The following CDH8 variants were observed in gnomAD, a reference collection of about 807,000 sequenced individuals.
The protein encoded by CDH8 is cadherin 8.
Under a neutral mutation model 68.1 loss-of-function variants are expected in CDH8, and 17 were observed. The observed-to-expected ratio is 0.25, with a 90% CI of 0.17 to 0.37. The LOEUF (loss-of-function observed/expected upper bound fraction) is 0.37, where lower values mean the gene tolerates loss of function less well. Among genes scored for constraint, CDH8 ranks in the 10% least tolerant of loss-of-function variants. The probability of loss-of-function intolerance (pLI) is 1.00; values close to 1 mark genes in which losing one functional copy is unlikely to be tolerated. For synonymous variants in CDH8, 372 were observed against 365.1 expected, an observed-to-expected ratio of 1.02 and a Z score of -0.21; for missense variants, 763 against 999.3, an observed-to-expected ratio of 0.76 and a Z score of 3.19.
At chr16:61,801,661 A>G (rs1256892773) in intron 7 of CDH8, among the ~76,000 whole-genome samples, 1 of 152,218 alleles carries the variant, frequency 6.6e-6, no homozygotes, top group East Asian at 1.9e-4. Context: ...TGGGAAGCGC[A>G]AGGGGTCAGG....
chr16:61,976,969 T>C (rs1965446091), intron 2 of CDH8, among the ~76,000 whole-genome samples: 1 of 152,122 alleles, frequency 6.6e-6, no homozygotes, highest in Admixed American at 6.6e-5. Flanking sequence ...TAAATATCAG[T>C]TTCCAGAATA....
Position 61,653,155 on chromosome 16 carries a change from C to G in CDH8, c.*453G>C. On this transcript the variant is annotated 3_prime_UTR_variant, in exon 12 of 12. Transcript: ENST00000577390. ...CCAAGTATTGCTTTATCATTTGTGG[C>G]GGGATCCTTATTGGTGAAGGGGAAA... The G allele has an allele frequency of 8.1e-7, 1 of 1,230,876 alleles. No individual in the cohort carries two copies. The highest frequency in any genetic ancestry group is 1.0e-6 in the Non-Finnish European group (1 of 987,954). 76.2% of individuals were successfully genotyped at this position (1,230,876 alleles called of 1,614,324 possible).
intron 2 of CDH8, among the ~76,000 whole-genome samples, chr16:61,981,071 T>C (rs73566699): frequency 0.018 from 2,716 of 152,264 alleles, 76 homozygotes; most frequent in African/African-American, 0.06. Flanking sequence ...GAAGATTGCC[T>C]GGCACTCAGA....
intron 2 of CDH8, among the ~76,000 whole-genome samples, chr16:61,905,259 T>C (rs1326138251): frequency 1.3e-5 from 2 of 152,132 alleles, no homozygotes; most frequent in African/African-American, 2.4e-5. Flanking sequence ...ATCTCATCCA[T>C]TCATTCGATA....
chr16:62,007,305 A>T (rs76646340), intron 2 of CDH8, among the ~76,000 whole-genome samples: 1 of 152,188 alleles, frequency 6.6e-6, no homozygotes, highest in African/African-American at 2.4e-5. Context: ...AGCTGATGTC[A>T]TAGTCTGTAA....
chr16:61,905,960 A>G (rs1964053829), intron 2 of CDH8, among the ~76,000 whole-genome samples: 1 of 152,136 alleles, frequency 6.6e-6, no homozygotes, highest in African/African-American at 2.4e-5. Flanking sequence ...TGTGCCAAGC[A>G]CAGGGAATAT....
chr16:61,680,104 C>G (rs1963985677), intron 10 of CDH8, among the ~76,000 whole-genome samples: 1 of 151,888 alleles, frequency 6.6e-6, no homozygotes, highest in Admixed American at 6.6e-5. Flanking sequence ...TCAACCATAT[C>G]CCTGCGTCAT....
At chr16:61,678,280 G>C (rs1963952227) in intron 10 of CDH8, among the ~76,000 whole-genome samples, 1 of 151,964 alleles carries the variant, frequency 6.6e-6, no homozygotes, top group Non-Finnish European at 1.5e-5. Flanking sequence ...CATGTTCTCA[G>C]AATCTCCTGA....
At chr16:61,951,247 C>T (rs557279805) in intron 2 of CDH8, among the ~76,000 whole-genome samples, 2 of 152,214 alleles carry the variant, frequency 1.3e-5, no homozygotes, top group African/African-American at 2.4e-5. Flanking sequence ...CATGGTGGCT[C>T]ATGCCTGTAA....
chr16:61,656,240 C>T (rs1034884269), intron 10 of CDH8, among the ~76,000 whole-genome samples: 2 of 152,156 alleles, frequency 1.3e-5, no homozygotes, highest in South Asian at 2.1e-4. Context: ...CCCTGACGGA[C>T]CAACGGAGTT....
chr16:61,705,989 T>C (rs1458901760), intron 10 of CDH8, among the ~76,000 whole-genome samples: 2 of 152,204 alleles, frequency 1.3e-5, no homozygotes, highest in African/African-American at 4.8e-5. Context: ...ATTCCAATTC[T>C]TAAGGGTGTG....
intron 7 of CDH8, among the ~76,000 whole-genome samples, chr16:61,812,626 C>G (rs1961977858): frequency 6.6e-6 from 1 of 152,154 alleles, no homozygotes; most frequent in South Asian, 2.1e-4. Context: ...CATGAAAGAA[C>G]TGACTTATTT....
chr16:61,927,710 G>C (rs991332270), intron 2 of CDH8, among the ~76,000 whole-genome samples: 1 of 152,182 alleles, frequency 6.6e-6, no homozygotes, highest in Non-Finnish European at 1.5e-5. Context: ...CCCAGGCATC[G>C]TCAAACTCTG....
At chr16:61,880,833 G>A (rs1372108969) in intron 3 of CDH8, among the ~76,000 whole-genome samples, 2 of 152,194 alleles carry the variant, frequency 1.3e-5, no homozygotes, top group Non-Finnish European at 2.9e-5. Flanking sequence ...GTGTGGACAT[G>A]ATCACGTTAC....
rs1203849594 is a variant in CDH8, at chr16:62,004,632, T to C, written c.252+16520A>G. On this transcript the variant is annotated intron_variant, in intron 2 of 11. Transcript: ENST00000577390. The stretch of plus-strand genomic sequence containing the variant: ...TTCTAATTCTGTATAAATGTGTGTG[T>C]CTGTGGATATGTGAATTTGTATACC... 2.0e-5 allele frequency among the ~76,000 whole-genome samples: 3 copies of C among 152,238 alleles called. No homozygotes were observed. The East Asian group carries it at 5.8e-4, about 29-fold the overall frequency.
intron 10 of CDH8, chr16:61,710,672 CAT>C (rs565094599): frequency 4.5e-4 from 68 of 152,098 alleles, no homozygotes; most frequent in African/African-American, 1.5e-3. Flanking sequence ...TCTTTACACA[CAT>C]GATTTAAAAA....
intron 2 of CDH8, among the ~76,000 whole-genome samples, chr16:61,965,019 A>G (rs1010295734): frequency 5.9e-5 from 9 of 152,000 alleles, no homozygotes; most frequent in African/African-American, 2.2e-4. Context: ...CATCTACCCC[A>G]AGGCCTTTGC....
chr16:61,941,418 C>A (rs1271786340), intron 2 of CDH8, among the ~76,000 whole-genome samples: 1 of 152,148 alleles, frequency 6.6e-6, no homozygotes, highest in Non-Finnish European at 1.5e-5. Context: ...TCTTGATTTG[C>A]AGAATATATC....
chr16:61,700,739 T>C (rs940385457), intron 10 of CDH8, among the ~76,000 whole-genome samples: 4 of 152,152 alleles, frequency 2.6e-5, no homozygotes, highest in African/African-American at 4.8e-5. Context: ...GTAGGAGTGA[T>C]AGATGGTGGC....
Sources: allele counts gnomAD v4.1 joint callset (sites outside exome capture counted in the v4.1 genomes callset), GRCh38; gene constraint gnomAD v4.1.1; transcripts MANE v1.5; gene names NCBI Gene and HGNC (gene_info 2026-07-23, HGNC 2026-07-21).